The following ELAPOR2 variants were observed in gnomAD, a reference collection of about 807,000 sequenced individuals.
ELAPOR2 encodes endosome-lysosome associated apoptosis and autophagy regulator family member 2, also known as endosome/lysosome-associated apoptosis and autophagy regulator family member 2.
ELAPOR2 carries 89 observed loss-of-function variants against 120.7 expected under a neutral mutation model. The observed-to-expected ratio is 0.74, with a 90% CI of 0.62 to 0.88. ELAPOR2 has a LOEUF of 0.88. Among genes scored for constraint, ELAPOR2 ranks in the 40% least tolerant of loss-of-function variants. ELAPOR2 has a pLI of 0.00. For missense variants in ELAPOR2, 1,134 were observed against 1,251.6 expected (o/e 0.91, Z 1.42); for synonymous variants, 444 against 444.9 (o/e 1.00, Z 0.03).
chr7:87,002,704 C>A (rs1478705392), intron 1 of ELAPOR2, among the ~76,000 whole-genome samples: 1 of 152,128 alleles, frequency 6.6e-6, no homozygotes, highest in East Asian at 1.9e-4. Context: ...CACTCAACTA[C>A]CTACTGTATC....
chr7:86,939,012 C>A, intron 6 of ELAPOR2, 52 bp from the exon 7 acceptor site: 1 of 1,597,080 alleles, frequency 6.3e-7, no homozygotes, highest in Non-Finnish European at 8.6e-7. Context: ...TACCAATAAG[C>A]AAATCAGCAC....
intron 13 of ELAPOR2, 21 bp from the exon 14 acceptor site, chr7:86,913,225 T>C: frequency 6.2e-7 from 1 of 1,608,558 alleles, no homozygotes; most frequent in Non-Finnish European, 8.5e-7. Context: ...GAGCATAAAG[T>C]AATGACTTCT....
intron 5 of ELAPOR2, 54 bp downstream of exon 5, chr7:86,941,964 A>G (rs1458351896): frequency 5.6e-6 from 6 of 1,071,290 alleles, no homozygotes; most frequent in African/African-American, 1.6e-5. Context: ...AAGGTTGGGG[A>G]AAAAAAGAAG....
intron 18 of ELAPOR2, among the ~76,000 whole-genome samples, chr7:86,907,455 A>G (rs888913595): frequency 6.6e-6 from 1 of 151,720 alleles, no homozygotes; most frequent in African/African-American, 2.4e-5. Flanking sequence ...GGACAAGAAT[A>G]TGTCATACAA....
rs576870083 is a variant in ELAPOR2, at chr7:86,880,100, T to C, written c.*371A>G. 2.5e-4 allele frequency: 46 copies of C among 181,568 alleles called. No homozygotes were observed. The highest frequency in any genetic ancestry group is 1.0e-3 in the African/African-American group (43 of 42,696). The allele number at this position is 181,568 out of a possible 1,614,324, so 11.2% of individuals were successfully genotyped here. ...CATAATGCATATGCTCACATGTGCC[T>C]TCCAAATCACACTTGTTATGTAGAC... is the stretch of plus-strand genomic sequence containing the variant. On this transcript the variant is annotated 3_prime_UTR_variant, in exon 22 of 22. Transcript: ENST00000450689.
At position 86,938,798 on chromosome 7, in the gene ELAPOR2, C is replaced by T. The variant is rs2116326423; in HGVS notation, c.1000+10G>A. ...TAGAAAGAAAAAAGCAGAGTATAAA[C>T]TAGTTCTACCTGAAAATTGAGAGTC... On this transcript the variant is annotated intron_variant, in intron 7 of 21. Transcript: ENST00000450689. 1 of 1,612,538 alleles carries T rather than the reference C, an allele frequency of 6.2e-7. No individual in the cohort carries two copies. The highest frequency in any genetic ancestry group is 1.7e-5 in the Admixed American group (1 of 59,908).
chr7:86,892,527 C>A (rs1445524233), intron 20 of ELAPOR2, among the ~76,000 whole-genome samples: 3 of 151,648 alleles, frequency 2.0e-5, no homozygotes, highest in Non-Finnish European at 2.9e-5. Context: ...GTTTTTTTTG[C>A]AAATGTCTTC....
chr7:86,888,914 C>T (rs940123379), intron 21 of ELAPOR2, among the ~76,000 whole-genome samples: 2 of 152,102 alleles, frequency 1.3e-5, no homozygotes, highest in Non-Finnish European at 2.9e-5. Flanking sequence ...TTTGCAGAGG[C>T]ACCATGTGTA....
At chr7:86,979,961 T>C (rs1485696035) in intron 1 of ELAPOR2, among the ~76,000 whole-genome samples, 1 of 152,154 alleles carries the variant, frequency 6.6e-6, no homozygotes, top group Non-Finnish European at 1.5e-5. Context: ...TTCAGGCTGC[T>C]AAAAGCCTAA....
At chr7:87,020,364 A>T (rs1337471855) in intron 1 of ELAPOR2, among the ~76,000 whole-genome samples, 2 of 152,156 alleles carry the variant, frequency 1.3e-5, no homozygotes, top group African/African-American at 4.8e-5. Context: ...CCAAAAGGTG[A>T]AAAGGACCCA....
At chr7:87,010,551 T>C (rs975819901) in intron 1 of ELAPOR2, among the ~76,000 whole-genome samples, 2 of 152,218 alleles carry the variant, frequency 1.3e-5, no homozygotes, top group African/African-American at 4.8e-5. Flanking sequence ...TATTGTTTTT[T>C]AGAGCTGGCA....
chr7:86,919,349 C>T lies in ELAPOR2; in HGVS notation c.1400-39G>A. 3 of 1,201,580 alleles carry T rather than the reference C, an allele frequency of 2.5e-6. No homozygotes were observed. In the African/African-American group the frequency reaches 4.6e-5, roughly 18 times the overall value. 74.4% of individuals were successfully genotyped at this position (1,201,580 alleles called of 1,614,324 possible). On this transcript the variant is annotated intron_variant, in intron 10 of 21. Coordinates refer to ENST00000450689, the MANE Select transcript of ELAPOR2 (RefSeq NM_001142749.3). The stretch of plus-strand genomic sequence containing the variant: ...AAGTCATTTTTATTAATAAAAATTC[C>T]ATTAATGATCTCCAACAATCTGTTT...
At chr7:86,993,241 A>C (rs1283242237) in intron 1 of ELAPOR2, among the ~76,000 whole-genome samples, 1 of 150,012 alleles carries the variant, frequency 6.7e-6, no homozygotes, top group Non-Finnish European at 1.5e-5. Flanking sequence ...TCTCAAAAAA[A>C]AAAAAAAAAG....
chr7:87,043,676 G>A (rs1343298155), intron 1 of ELAPOR2, among the ~76,000 whole-genome samples: 1 of 148,958 alleles, frequency 6.7e-6, no homozygotes, highest in Non-Finnish European at 1.5e-5. Flanking sequence ...GCAAAAACTG[G>A]AAGCATTCCC....
intron 3 of ELAPOR2, among the ~76,000 whole-genome samples, chr7:86,946,944 G>C (rs1791034938): frequency 6.6e-6 from 1 of 152,086 alleles, no homozygotes; most frequent in African/African-American, 2.4e-5. Context: ...AAAGAAATTG[G>C]CATCATTTGG....
intron 1 of ELAPOR2, among the ~76,000 whole-genome samples, chr7:86,971,279 C>T (rs1397055170): frequency 1.3e-5 from 2 of 152,202 alleles, no homozygotes; most frequent in Non-Finnish European, 2.9e-5. Context: ...CATATTTTCA[C>T]TGTTCTTGAT....
chr7:87,024,103 T>C (rs1584007640), intron 1 of ELAPOR2, among the ~76,000 whole-genome samples: 4 of 152,320 alleles, frequency 2.6e-5, no homozygotes, highest in African/African-American at 9.6e-5. Context: ...CAACACTATG[T>C]TGAATAGGAG....
rs1428105024 is a variant in ELAPOR2 at position 86,939,360 on chromosome 7, TCTC to T, written c.848-403_848-401del. Among the ~76,000 whole-genome samples, 3 of 152,194 alleles carry T rather than the reference TCTC, an allele frequency of 2.0e-5. No individual in the cohort carries two copies. In the East Asian group the frequency reaches 5.8e-4, roughly 29 times the overall value. The stretch of plus-strand genomic sequence containing the variant: ...GGTAAGACCTAGGAATGGCTTGACT[TCTC>T]CTCTGGTTTGTAATTCCAGTCTTTG... On this transcript the variant is annotated intron_variant, in intron 6 of 21. Coordinates refer to ENST00000450689, the MANE Select transcript of ELAPOR2 (RefSeq NM_001142749.3).
intron 1 of ELAPOR2, among the ~76,000 whole-genome samples, chr7:87,058,756 T>TC (rs574719392): frequency 5.9e-5 from 9 of 151,894 alleles, no homozygotes; most frequent in East Asian, 1.9e-4. Context: ...TCCTTTTTTT[T>TC]CCCCCCCAAA....
Sources: allele counts gnomAD v4.1 joint callset (sites outside exome capture counted in the v4.1 genomes callset), GRCh38; gene constraint gnomAD v4.1.1; transcripts MANE v1.5; gene names NCBI Gene and HGNC (gene_info 2026-07-23, HGNC 2026-07-21).